The following CMSS1 variants were observed in gnomAD, a reference collection of about 807,000 sequenced individuals.
CMSS1 encodes the protein cms1 ribosomal small subunit homolog.
CMSS1 carries 33 observed loss-of-function variants against 43.5 expected under a neutral mutation model. That is an observed-to-expected ratio of 0.76 (90% CI 0.57 to 1.01). The LOEUF (loss-of-function observed/expected upper bound fraction) is 1.01. CMSS1 is among the 50% of genes least tolerant of loss of function. The probability of loss-of-function intolerance (pLI) is 0.00; values close to 1 mark genes in which losing one functional copy is unlikely to be tolerated. For missense variants in CMSS1, 313 were observed against 326.4 expected (o/e 0.96, Z 0.32); for synonymous variants, 115 against 117.2 (o/e 0.98, Z 0.12).
At chr3:99,822,625 A>G (rs1478640109) in intron 1 of CMSS1, among the ~76,000 whole-genome samples, 1 of 152,144 alleles carries the variant, frequency 6.6e-6, no homozygotes, top group Non-Finnish European at 1.5e-5. Flanking sequence ...CCAGCTACTC[A>G]GGAGACTGAG....
chr3:99,958,359 A>G (rs1708398631), intron 1 of CMSS1, among the ~76,000 whole-genome samples: 1 of 151,978 alleles, frequency 6.6e-6, no homozygotes, highest in Admixed American at 6.6e-5. Context: ...GAGCAGAGCC[A>G]TGAAGAGAGA....
At chr3:100,157,762 G>A (rs946798825) in intron 2 of CMSS1, among the ~76,000 whole-genome samples, 4 of 152,332 alleles carry the variant, frequency 2.6e-5, no homozygotes, top group African/African-American at 9.6e-5. Flanking sequence ...GGACAGGCAA[G>A]GTGAAAGGAA....
chr3:100,024,503 A>G (rs1201895170), intron 1 of CMSS1, among the ~76,000 whole-genome samples: 1 of 152,150 alleles, frequency 6.6e-6, no homozygotes, highest in Non-Finnish European at 1.5e-5. Context: ...AGGTCTCCTT[A>G]GACTATTCAA....
intron 1 of CMSS1, among the ~76,000 whole-genome samples, chr3:100,000,647 C>T (rs1260092142): frequency 6.6e-6 from 1 of 152,182 alleles, no homozygotes; most frequent in Non-Finnish European, 1.5e-5. Context: ...CCCAGGAGTT[C>T]AAGGCCAGAG....
chr3:99,869,320 G>A (rs1458567286), intron 1 of CMSS1, among the ~76,000 whole-genome samples: 1 of 152,158 alleles, frequency 6.6e-6, no homozygotes, highest in Admixed American at 6.5e-5. Flanking sequence ...ATTTTATGGG[G>A]CAGAATTTGG....
chr3:100,062,173 G>A (rs1402610459), intron 1 of CMSS1, among the ~76,000 whole-genome samples: 3 of 133,368 alleles, frequency 2.2e-5, no homozygotes, highest in Admixed American at 8.3e-5. Flanking sequence ...GTGCAGTGGC[G>A]CGATCTTGGC....
chr3:100,034,048 G>A (rs1041166343), intron 1 of CMSS1, among the ~76,000 whole-genome samples: 13 of 152,158 alleles, frequency 8.5e-5, no homozygotes, highest in African/African-American at 1.9e-4. Context: ...CCCGCCATGC[G>A]TTATTTTGCT....
At chr3:99,990,871 T>C (rs1269636982) in intron 1 of CMSS1, among the ~76,000 whole-genome samples, 1 of 152,184 alleles carries the variant, frequency 6.6e-6, no homozygotes. Flanking sequence ...CAGATAAATA[T>C]TTGTTGACTC....
At chr3:99,938,120 G>C (rs1707747599) in intron 1 of CMSS1, among the ~76,000 whole-genome samples, 2 of 152,110 alleles carry the variant, frequency 1.3e-5, no homozygotes. Flanking sequence ...GGGTGGGGAA[G>C]AAATGTTAGA....
At position 100,028,076 on chromosome 3, in the gene CMSS1, C is replaced by T. The variant is rs116214936; in HGVS notation, c.65-118897C>T. The stretch of plus-strand genomic sequence containing the variant: ...CTGGCTATTCTGGGAATTTAGGAGA[C>T]GAATAATAATAATGACAAAGCAAAT... On this transcript the variant is annotated intron_variant, in intron 1 of 9. Coordinates refer to ENST00000421999, the MANE Select transcript of CMSS1 (RefSeq NM_032359.4). Among the ~76,000 whole-genome samples, 1,110 of 152,134 alleles carry T rather than the reference C, an allele frequency of 7.3e-3. 19 individuals are homozygous for T. The highest frequency in any genetic ancestry group is 0.025 in the African/African-American group (1,019 of 41,482).
At chr3:99,836,929 A>G (rs1317358606) in intron 1 of CMSS1, among the ~76,000 whole-genome samples, 1 of 152,228 alleles carries the variant, frequency 6.6e-6, no homozygotes, top group Non-Finnish European at 1.5e-5. Flanking sequence ...TAAGGACAGG[A>G]TAGCCTCCCT....
intron 1 of CMSS1, among the ~76,000 whole-genome samples, chr3:99,833,760 C>T (rs1304730221): frequency 6.6e-6 from 1 of 152,192 alleles, no homozygotes; most frequent in Non-Finnish European, 1.5e-5. Context: ...TCCCAGAGAC[C>T]TCTGGTCATT....
intron 1 of CMSS1, among the ~76,000 whole-genome samples, chr3:99,983,480 A>ATATG: frequency 4.4e-5 from 1 of 22,512 alleles, no homozygotes; most frequent in African/African-American, 1.3e-4. Context: ...ATATATATAT[A>ATATG]TATATATATA....
chr3:99,921,431 G>A (rs1460082193), intron 1 of CMSS1, among the ~76,000 whole-genome samples: 2 of 152,186 alleles, frequency 1.3e-5, no homozygotes, highest in South Asian at 2.1e-4. Context: ...AGGAAAGCAT[G>A]AAGGGTGGAC....
chr3:100,132,798 G>A (rs1213811062), intron 1 of CMSS1, among the ~76,000 whole-genome samples: 31 of 118,508 alleles, frequency 2.6e-4, no homozygotes, highest in Non-Finnish European at 4.5e-4. Context: ...CAGCCTGGGC[G>A]ACAGAGCAAG....
At chr3:99,832,575 G>C (rs1372308868) in intron 1 of CMSS1, among the ~76,000 whole-genome samples, 2 of 143,394 alleles carry the variant, frequency 1.4e-5, no homozygotes, top group East Asian at 4.3e-4. Flanking sequence ...TAGCGCAGTG[G>C]CTCATACCTG....
chr3:100,021,538 G>A (rs529401517), intron 1 of CMSS1, among the ~76,000 whole-genome samples: 1 of 152,304 alleles, frequency 6.6e-6, no homozygotes, highest in Non-Finnish European at 1.5e-5. Context: ...AAAGAACAGA[G>A]TCAAGAAAGG....
chr3:99,986,183 A>G (rs946502831), intron 1 of CMSS1, among the ~76,000 whole-genome samples: 2 of 152,252 alleles, frequency 1.3e-5, no homozygotes, highest in Non-Finnish European at 2.9e-5. Context: ...AAATATGTTC[A>G]AATTATAAGA....
chr3:99,825,050 C>T (rs770713921), intron 1 of CMSS1, among the ~76,000 whole-genome samples: 5 of 152,150 alleles, frequency 3.3e-5, no homozygotes, highest in Non-Finnish European at 7.4e-5. Context: ...TATTTTCACA[C>T]CAAAGTTAAA....
Sources: gnomAD v4.1 joint callset for allele counts (sites outside exome capture counted in the v4.1 genomes callset) on GRCh38, gnomAD v4.1.1 for gene constraint, MANE v1.5 for transcripts, NCBI Gene and HGNC (gene_info 2026-07-23, HGNC 2026-07-21) for gene names.